ZPR1: variants seen among roughly 807,000 people sequenced by gnomAD.
ZPR1 encodes zinc finger protein ZPR1.
A neutral mutation model predicts 59.6 loss-of-function variants in ZPR1; 37 were observed. The observed-to-expected ratio is 0.62, with a 90% CI of 0.48 to 0.82. The LOEUF (loss-of-function observed/expected upper bound fraction) is 0.82. Ranked by LOEUF, ZPR1 falls within the 40% of genes least tolerant of loss-of-function variation. The probability of loss-of-function intolerance (pLI) is 0.00; values close to 1 mark genes in which losing one functional copy is unlikely to be tolerated. For synonymous variants in ZPR1, 191 were observed against 215.2 expected, an observed-to-expected ratio of 0.89 and a Z score of 0.99; for missense variants, 527 against 579.9, an observed-to-expected ratio of 0.91 and a Z score of 0.94.
rs751920373 is a variant in ZPR1, at chr11:116,782,970, G to C, written c.1041C>G (p.Leu347=). 6.2e-7 allele frequency: 1 copy of C among 1,614,166 alleles called. No individual in the cohort carries two copies. Among genetic ancestry groups the C allele is most frequent in the African/African-American group, 1.3e-5 (1 of 75,038 alleles). The stretch of plus-strand genomic sequence containing the variant: ...CTTCCAGTGTGGTGAACTTGCCCCC[G>C]AGGACTGCCATTCCCAGTTCAAATT... The part of the protein sequence containing the change: ...ELEFELGMAV[L]GGKFTTLEGL... The change falls in exon 11 of 14, where the codon CTC becomes CTG. Residue 347 remains leucine, a synonymous_variant. Coordinates refer to ENST00000227322, the MANE Select transcript of ZPR1 (RefSeq NM_003904.5).
chr11:116,781,972 A>C (rs1001158680), intron 12 of ZPR1, among the ~76,000 whole-genome samples, 186 bp downstream of exon 12: 1 of 151,888 alleles, frequency 6.6e-6, no homozygotes, highest in East Asian at 1.9e-4. Context: ...AGATCACGCC[A>C]CTGCACTCCA....
At chr11:116,779,477 C>T (rs1940771817) in intron 13 of ZPR1, among the ~76,000 whole-genome samples, 1 of 152,052 alleles carries the variant, frequency 6.6e-6, no homozygotes, top group Non-Finnish European at 1.5e-5. Flanking sequence ...ACCATTTCTC[C>T]TCAATCCATA....
In ZPR1 at chr11:116,774,543, T is replaced by G. The variant is rs1410750810; in HGVS notation, c.*4382A>C. ...TACACATTATCTGGGGATAAGTGTT[T>G]AAAAAATTCTTTACTCATATAATAC... is the stretch of plus-strand genomic sequence containing the variant. On this transcript the variant is annotated 3_prime_UTR_variant, in exon 14 of 14. Coordinates refer to ENST00000227322, the MANE Select transcript of ZPR1 (RefSeq NM_003904.5). 6.6e-6 allele frequency: 1 copy of G among 152,162 alleles called. No individual in the cohort carries two copies. The highest frequency in any genetic ancestry group is 1.5e-5 in the Non-Finnish European group (1 of 68,018). The allele number at this position is 152,162 out of a possible 1,614,324, so 9.4% of individuals were successfully genotyped here. A position where few individuals can be genotyped will look rare whatever the true frequency, so the allele number is the denominator to read the frequency against.
Position 116,788,000 on chromosome 11 carries a change from G to T in ZPR1, c.-10C>A, listed in dbSNP as rs996465554. Reference sequence around the variant, plus strand: ...CCCCGCTGGCCGCCATGGCCACCACGCGCAATTCAGACCTCGGCTTCCTAC... The same window carrying T: ...CCCCGCTGGCCGCCATGGCCACCACTCGCAATTCAGACCTCGGCTTCCTAC... On this transcript the variant is annotated 5_prime_UTR_variant, in exon 1 of 14. Transcript: ENST00000227322. 7.0e-7 allele frequency: 1 copy of T among 1,426,164 alleles called. No homozygotes were observed. Among genetic ancestry groups the T allele is most frequent in the Non-Finnish European group, 9.1e-7 (1 of 1,101,362 alleles). The allele number at this position is 1,426,164 out of a possible 1,614,324, so 88.3% of individuals were successfully genotyped here. A position where few individuals can be genotyped will look rare whatever the true frequency, so the allele number is the denominator to read the frequency against.
chr11:116,784,432 C>T lies in ZPR1; in HGVS notation c.837G>A (p.Lys279=). 1 of 1,614,174 alleles carries T rather than the reference C, an allele frequency of 6.2e-7. No homozygotes were observed. The highest frequency in any genetic ancestry group is 8.5e-7 in the Non-Finnish European group (1 of 1,179,998). Residue 279 remains lysine, a synonymous_variant, in exon 9 of 14, where the codon AAG becomes AAA. Coordinates refer to ENST00000227322, the MANE Select transcript of ZPR1 (RefSeq NM_003904.5). ...AGTTGGTAGCCATGATGATAACCTC[C>T]TTAAAGTGAGGGATTTCTGGAAAAC... The part of the protein sequence containing the change: ...NMKLVQIPHF[K]EVIIMATNCE...
rs1297159723 is a variant in ZPR1 at position 116,774,317 on chromosome 11, G to A, written c.*4608C>T. 6.6e-6 allele frequency: 1 copy of A among 152,046 alleles called. No homozygotes were observed. The highest frequency in any genetic ancestry group is 1.5e-5 in the Non-Finnish European group (1 of 68,008). 9.4% of individuals were successfully genotyped at this position (152,046 alleles called of 1,614,324 possible). ...CAACATGTTGTACATTAGATTCCCA[G>A]AACTTGTCTTAAAACTGAAAACTTG... On this transcript the variant is annotated 3_prime_UTR_variant, in exon 14 of 14. Transcript: ENST00000227322.
At position 116,778,154 on chromosome 11, in the gene ZPR1, T is replaced by C. The variant is rs975416941; in HGVS notation, c.*771A>G. The C allele has an allele frequency of 6.6e-6, 1 of 152,232 alleles. No individual in the cohort carries two copies. Among genetic ancestry groups the C allele is most frequent in the Non-Finnish European group, 1.5e-5 (1 of 68,060 alleles). The allele number at this position is 152,232 out of a possible 1,614,324, so 9.4% of individuals were successfully genotyped here. A position where few individuals can be genotyped will look rare whatever the true frequency, so the allele number is the denominator to read the frequency against. On this transcript the variant is annotated 3_prime_UTR_variant, in exon 14 of 14. Coordinates refer to ENST00000227322, the MANE Select transcript of ZPR1 (RefSeq NM_003904.5). ...GCACAACCCAGCCCCATTCCCTGCTTTACATTCCTCCATGACACTAATCAC... is the reference window on the plus strand; with the variant it reads ...GCACAACCCAGCCCCATTCCCTGCTCTACATTCCTCCATGACACTAATCAC...
In ZPR1 at chr11:116,784,995, T is replaced by C. The variant is rs1940862459; in HGVS notation, c.754-74A>G. On this transcript the variant is annotated intron_variant, in intron 7 of 13. Transcript: ENST00000227322. ...TCAGGCTAAAGACACTCAGTTGGTATGCTAGTGGTCATCTATGTTGGTGAC... is the reference window on the plus strand; with the variant it reads ...TCAGGCTAAAGACACTCAGTTGGTACGCTAGTGGTCATCTATGTTGGTGAC... 3.7e-6 allele frequency: 6 copies of C among 1,605,810 alleles called. No homozygotes were observed. The Admixed American group carries it at 6.7e-5, about 18-fold the overall frequency.
Position 116,784,447 on chromosome 11 carries a change from T to G in ZPR1, c.822A>C (p.Gln274His). 1 of 1,614,126 alleles carries G rather than the reference T, an allele frequency of 6.2e-7. No homozygotes were observed. Among genetic ancestry groups the G allele is most frequent in the Non-Finnish European group, 8.5e-7 (1 of 1,180,002 alleles). The change falls in exon 9 of 14, where the codon CAA becomes CAC. Residue 274 changes from glutamine (Q) to histidine (H), a missense_variant and splice_region_variant. Physicochemically the swap from Gln to His is conservative, Grantham distance 24. Coordinates refer to ENST00000227322, the MANE Select transcript of ZPR1 (RefSeq NM_003904.5). ...APAQTNMKLV[Q>H]IPHFKEVIIM... ...TGATAACCTCCTTAAAGTGAGGGATTTCTGGAAAACGGAGTTAAGGAAATC... is the reference window on the plus strand; with the variant it reads ...TGATAACCTCCTTAAAGTGAGGGATGTCTGGAAAACGGAGTTAAGGAAATC...
rs1274317812 is a variant in ZPR1, at chr11:116,787,965, G to T, written c.26C>A (p.Pro9Gln). Residue 9 changes from proline to glutamine, a missense_variant, in exon 1 of 14, where the codon CCA becomes CAA. Physicochemically the swap from Pro to Gln is moderately conservative, Grantham distance 76. Coordinates refer to ENST00000227322, the MANE Select transcript of ZPR1 (RefSeq NM_003904.5). MAASGAVE[P>Q]GPPGAAVAPS... ...GGCGACGGCAGCCCCCGGGGGCCCT[G>T]GTTCCACAGCCCCGCTGGCCGCCAT... The T allele has an allele frequency of 2.8e-6, 4 of 1,451,938 alleles. No homozygotes were observed. The highest frequency in any genetic ancestry group is 2.8e-5 in the Admixed American group (1 of 35,346). 89.9% of individuals were successfully genotyped at this position (1,451,938 alleles called of 1,614,324 possible). A position where few individuals can be genotyped will look rare whatever the true frequency, so the allele number is the denominator to read the frequency against.
In ZPR1 at chr11:116,778,781, A is replaced by C; in HGVS notation, c.*144T>G. 9.8e-7 allele frequency: 1 copy of C among 1,018,458 alleles called. No individual in the cohort carries two copies. The highest frequency in any genetic ancestry group is 1.7e-5 in the South Asian group (1 of 59,654). 63.1% of individuals were successfully genotyped at this position (1,018,458 alleles called of 1,614,324 possible). Reference sequence around the variant, plus strand: ...CACAAGCTGTTTAGAAAGTGTGCACAGATCTCTGACTCAGACCAGATGTCC... The same window carrying C: ...CACAAGCTGTTTAGAAAGTGTGCACCGATCTCTGACTCAGACCAGATGTCC... On this transcript the variant is annotated 3_prime_UTR_variant, in exon 14 of 14. Transcript: ENST00000227322.
Position 116,784,878 on chromosome 11 carries a change from G to A in ZPR1, c.797C>T (p.Ala266Val). 1 of 1,614,242 alleles carries A rather than the reference G, an allele frequency of 6.2e-7. No individual in the cohort carries two copies. The highest frequency in any genetic ancestry group is 1.3e-5 in the African/African-American group (1 of 75,064). ...STNCPECNAP[A>V]QTNMKLVQIP... is the part of the protein sequence containing the mutation. ...ACGTACTAGCTTCATGTTGGTCTGA[G>A]CGGGGGCATTGCATTCTGGGCAGTT... is the stretch of plus-strand genomic sequence containing the variant. Residue 266 changes from alanine (A) to valine (V), a missense_variant, in exon 8 of 14, where the codon GCT (alanine) becomes GTT (valine). Coordinates refer to ENST00000227322, the MANE Select transcript of ZPR1 (RefSeq NM_003904.5).
At chr11:116,786,632 C>T (rs772566744) in intron 3 of ZPR1, 51 bp from the exon 4 acceptor site, 1 of 1,526,540 alleles carries the variant, frequency 6.6e-7, no homozygotes, top group Non-Finnish European at 9.1e-7. Flanking sequence ...GCTCTGCTAT[C>T]AAGTCCCTGT....
intron 1 of ZPR1, 82 bp downstream of exon 1, chr11:116,787,738 C>T (rs912123753): frequency 6.6e-7 from 1 of 1,524,462 alleles, no homozygotes; most frequent in East Asian, 2.4e-5. Flanking sequence ...CCCGGCCGGG[C>T]CCACCTGGCT....
Position 116,785,581 on chromosome 11 carries a change from T to C in ZPR1, c.638A>G (p.Lys213Arg), listed in dbSNP as rs1330161932. 6.2e-7 allele frequency: 1 copy of C among 1,614,064 alleles called. No homozygotes were observed. Among genetic ancestry groups the C allele is most frequent in the African/African-American group, 1.3e-5 (1 of 74,926 alleles). The change falls in exon 6 of 14, where the codon AAA becomes AGA. Residue 213 changes from lysine to arginine, a missense_variant. By Grantham distance (26) the Lys-to-Arg change is conservative. Coordinates refer to ENST00000227322, the MANE Select transcript of ZPR1 (RefSeq NM_003904.5). ...GTGTGTGATCACCAGGGCATCATCT[T>C]TCTGAGGAGCATGTGGGTTTTCCAC... ...SFVENPHAPQ[K>R]DDALVITHYN...
At chr11:116,785,391 A>C (rs140051236) in intron 6 of ZPR1, 123 bp downstream of exon 6, 1 of 1,420,752 alleles carries the variant, frequency 7.0e-7, no homozygotes, top group African/African-American at 1.4e-5. Context: ...CAAGATGAGA[A>C]GCACAAACAA....
chr11:116,783,451 T>G, intron 10 of ZPR1, 79 bp downstream of exon 10: 4 of 1,305,298 alleles, frequency 3.1e-6, no homozygotes, highest in Non-Finnish European at 4.4e-6. Context: ...ACATTATTTC[T>G]AAAAGACAAC....
intron 4 of ZPR1, 59 bp from the exon 5 acceptor site, chr11:116,785,941 T>C: frequency 6.9e-7 from 1 of 1,451,404 alleles, no homozygotes; most frequent in Non-Finnish European, 9.7e-7. Context: ...CCCTGCCCCT[T>C]GTCATGCCCA....
rs138417893 is a variant in ZPR1 at position 116,787,510 on chromosome 11, C to A, written c.305G>T (p.Arg102Leu). The change falls in exon 2 of 14, where the codon CGC (arginine) becomes CTC (leucine). Residue 102 changes from arginine (R) to leucine (L), a missense_variant. Arg to Leu is a moderately radical substitution (Grantham distance 102). Transcript: ENST00000227322. ...CAGAGCCCTGACAGACAAAGTGTAG[C>A]GCACTCCCTGGTCCTGGATCCTGCC... ...SAGRIQDQGV[R>L]YTLSVRALED... 2.2e-5 allele frequency: 36 copies of A among 1,613,994 alleles called. No individual in the cohort carries two copies. The African/African-American group carries it at 4.7e-4, about 21-fold the overall frequency.
Sources: gnomAD v4.1 joint callset for allele counts (sites outside exome capture counted in the v4.1 genomes callset) on GRCh38, gnomAD v4.1.1 for gene constraint, MANE v1.5 for transcripts, NCBI Gene and HGNC (gene_info 2026-07-23, HGNC 2026-07-21) for gene names.